UCHL5: variants seen among roughly 807,000 people sequenced by gnomAD.
The protein encoded by UCHL5 is ubiquitin carboxyl-terminal hydrolase isozyme L5.
Under a neutral mutation model 53.8 loss-of-function variants are expected in UCHL5, and 34 were observed. That is an observed-to-expected ratio of 0.63 (90% CI 0.48 to 0.84). The LOEUF is 0.84. UCHL5 is among the 40% of genes least tolerant of loss of function. UCHL5 has a pLI of 0.00. For missense variants in UCHL5, 290 were observed against 385.6 expected, an observed-to-expected ratio of 0.75 and a Z score of 2.08; for synonymous variants, 111 against 126.3, an observed-to-expected ratio of 0.88 and a Z score of 0.81.
intron 6 of UCHL5, 139 bp from the exon 7 acceptor site, chr1:193,028,287 T>C: frequency 1.6e-6 from 1 of 624,176 alleles, no homozygotes; most frequent in Admixed American, 3.7e-5. Context: ...AGTATAATTA[T>C]GTTGTTTCAA....
rs370635844 is a variant in UCHL5 at position 193,029,575 on chromosome 1, G to A, written c.329C>T (p.Thr110Ile). 3 of 1,613,456 alleles carry A rather than the reference G, an allele frequency of 1.9e-6. No individual in the cohort carries two copies. The highest frequency in any genetic ancestry group is 2.2e-5 in the South Asian group (2 of 91,060). Residue 110 changes from threonine (T) to isoleucine (I), a missense_variant, in exon 4 of 11, where the codon ACA becomes ATA. Coordinates refer to ENST00000367454, the MANE Select transcript of UCHL5 (RefSeq NM_001199261.3). ...TGAAAATTCTTTAAACTCTGATAAT[G>A]TCTCGCCTAAATGGACATCCTGGTG... The part of the protein sequence containing the change: ...CTHQDVHLGE[T>I]LSEFKEFSQS...
intron 6 of UCHL5, among the ~76,000 whole-genome samples, chr1:193,028,627 G>A (rs1660229734): frequency 6.6e-6 from 1 of 152,116 alleles, no homozygotes; most frequent in South Asian, 2.1e-4. Flanking sequence ...GCCACAGATT[G>A]TACCTTCAAC....
At chr1:193,017,139 A>T (rs1655138330) in intron 10 of UCHL5, among the ~76,000 whole-genome samples, 1 of 151,762 alleles carries the variant, frequency 6.6e-6, no homozygotes, top group Non-Finnish European at 1.5e-5. Flanking sequence ...ATTTAGTAAA[A>T]TGCCTGAGGT....
chr1:193,056,375 TTTA>T (rs1670626539), intron 1 of UCHL5, among the ~76,000 whole-genome samples: 1 of 152,186 alleles, frequency 6.6e-6, no homozygotes, highest in Non-Finnish European at 1.5e-5. Flanking sequence ...AACTCTGATC[TTTA>T]TTATTTCCTG....
At chr1:193,047,381 G>GA (rs1558144116) in intron 3 of UCHL5, among the ~76,000 whole-genome samples, 1 of 151,036 alleles carries the variant, frequency 6.6e-6, no homozygotes, top group South Asian at 2.1e-4. Context: ...TCTGCTATCA[G>GA]AAAAAAAACA....
At chr1:193,059,609 A>G (rs778657251), upstream of UCHL5, 258 of 1,436,886 alleles carry the variant, frequency 1.8e-4, no homozygotes, top group Non-Finnish European at 2.3e-4. This position sits in a 1 kb window ranked among gnomAD's most constrained non-coding sequence, Gnocchi z 4.9. Flanking sequence ...GAAGAGGGGC[A>G]GGACTCGTTC....
intron 3 of UCHL5, among the ~76,000 whole-genome samples, chr1:193,047,601 CT>C (rs758142898): frequency 6.6e-6 from 1 of 152,100 alleles, no homozygotes; most frequent in African/African-American, 2.4e-5. Flanking sequence ...TATTTTCCAC[CT>C]TTCTAAAGGT....
At chr1:193,037,672 C>T (rs1015213302) in intron 3 of UCHL5, among the ~76,000 whole-genome samples, 1 of 151,874 alleles carries the variant, frequency 6.6e-6, no homozygotes, top group African/African-American at 2.4e-5. Context: ...AAGGACACAA[C>T]AAAAAAACTA....
At chr1:193,020,992 A>G in intron 10 of UCHL5, 105 bp downstream of exon 10, 1 of 770,412 alleles carries the variant, frequency 1.3e-6, no homozygotes, top group Non-Finnish European at 2.1e-6. Context: ...AAAAACGTAC[A>G]AGCTTCCAAA....
Position 193,023,005 on chromosome 1 carries a change from A to T in UCHL5, c.764T>A (p.Met255Lys), listed in dbSNP as rs1657703182. 6.2e-7 allele frequency: 1 copy of T among 1,613,384 alleles called. No individual in the cohort carries two copies. The highest frequency in any genetic ancestry group is 1.1e-5 in the South Asian group (1 of 91,070). ...EPMDTDQGNS[M>K]LSAIQSEVAK... ...AACTTCTGACTGAATAGCACTTAAC[A>T]TACTATTACCTTGATCTGTATCCAT... Residue 255 changes from methionine to lysine, a missense_variant, in exon 9 of 11, where the codon ATG becomes AAG. By Grantham distance (95) the Met-to-Lys change is moderately conservative. Transcript: ENST00000367454.
intron 1 of UCHL5, among the ~76,000 whole-genome samples, chr1:193,058,042 C>CA (rs1671238882): frequency 6.6e-6 from 1 of 151,818 alleles, no homozygotes; most frequent in African/African-American, 2.4e-5. Flanking sequence ...GCCTGGCCAG[C>CA]ATGGTGAAAC....
chr1:193,028,085 T>C lies in UCHL5; in HGVS notation c.629A>G (p.Lys210Arg), dbSNP rs1420141414. The C allele has an allele frequency of 1.2e-6, 2 of 1,604,994 alleles. No individual in the cohort carries two copies. The highest frequency in any genetic ancestry group is 2.2e-5 in the East Asian group (1 of 44,714). ...CCAATGAGATTAGCTGAGCATTTAC[T>C]TTTGTATCCTTTTTTCTATGACAGG... ...VRPVIEKRIQKYSEGEIRFNL... is the reference protein window; with the variant it reads ...VRPVIEKRIQRYSEGEIRFNL... The change falls in exon 7 of 11, where the codon AAG (lysine) becomes AGG (arginine). Residue 210 changes from lysine (K) to arginine (R), a missense_variant and splice_region_variant. By Grantham distance (26) the Lys-to-Arg change is conservative (BLOSUM62 2). Coordinates refer to ENST00000367454, the MANE Select transcript of UCHL5 (RefSeq NM_001199261.3).
intron 3 of UCHL5, among the ~76,000 whole-genome samples, chr1:193,046,422 C>A (rs1667338880): frequency 6.6e-6 from 1 of 151,902 alleles, no homozygotes; most frequent in African/African-American, 2.4e-5. Flanking sequence ...ATACCAAGAA[C>A]ACTAAAGGAG....
At chr1:193,036,797 T>C (rs1394941147) in intron 3 of UCHL5, among the ~76,000 whole-genome samples, 4 of 152,000 alleles carry the variant, frequency 2.6e-5, no homozygotes, top group Admixed American at 6.6e-5. Context: ...TAAAATAACA[T>C]ACCAAGTTTC....
intron 3 of UCHL5, among the ~76,000 whole-genome samples, chr1:193,046,761 A>AG (rs1438548102): frequency 6.7e-6 from 1 of 149,740 alleles, no homozygotes; most frequent in Non-Finnish European, 1.5e-5. Context: ...AAAAGTACTT[A>AG]GTAAGCTTTC....
Position 193,013,196 on chromosome 1 carries a change from T to G in UCHL5, c.*3155A>C, listed in dbSNP as rs922353931. On this transcript the variant is annotated 3_prime_UTR_variant, in exon 11 of 11. Transcript: ENST00000367454. ...TGCAACATGTTCTAACATTAATAGT[T>G]CCAACAGTGAACTCCCTGACTGTTG... The G allele has an allele frequency of 6.6e-6, 1 of 152,178 alleles. No homozygotes were observed. The highest frequency in any genetic ancestry group is 1.5e-5 in the Non-Finnish European group (1 of 68,018). The allele number at this position is 152,178 out of a possible 1,614,324, so 9.4% of individuals were successfully genotyped here. A position where few individuals can be genotyped will look rare whatever the true frequency, so the allele number is the denominator to read the frequency against.
chr1:193,038,931 G>C (rs934691470), intron 3 of UCHL5, among the ~76,000 whole-genome samples: 1 of 152,170 alleles, frequency 6.6e-6, no homozygotes, highest in East Asian at 1.9e-4. Context: ...AGGAGCACAA[G>C]GTTATAGTGA....
intron 3 of UCHL5, among the ~76,000 whole-genome samples, chr1:193,043,173 AAAAC>A (rs1456309702): frequency 6.8e-6 from 1 of 146,432 alleles, no homozygotes; most frequent in Non-Finnish European, 1.5e-5. Flanking sequence ...AAAAAAAAAA[AAAAC>A]CACCTATTTC....
intron 7 of UCHL5, 31 bp from the exon 8 acceptor site, chr1:193,023,977 A>T (rs1220863730): frequency 1.7e-5 from 25 of 1,440,994 alleles, no homozygotes; most frequent in Non-Finnish European, 2.3e-5. Context: ...TTTATAATGT[A>T]ATAAAGAATT....
Sources: gnomAD v4.1 joint callset for allele counts (sites outside exome capture counted in the v4.1 genomes callset) on GRCh38, gnomAD v4.1.1 for gene constraint, Gnocchi (gnomAD v3.1) non-coding constraint, MANE v1.5 for transcripts, NCBI Gene and HGNC (gene_info 2026-07-23, HGNC 2026-07-21) for gene names.